The following RSRC1 variants were observed in gnomAD, a reference collection of about 807,000 sequenced individuals.
The protein encoded by RSRC1 is serine/Arginine-related protein 53.
In RSRC1, 39 loss-of-function variants were observed where a neutral mutation model predicts 49.1. The observed-to-expected ratio is 0.79, with a 90% CI of 0.61 to 1.04. The LOEUF is 1.04. Ranked by LOEUF, RSRC1 falls within the 50% of genes least tolerant of loss-of-function variation. The pLI, the probability that RSRC1 is intolerant of heterozygous loss-of-function variation, is 0.00. For missense variants in RSRC1, 388 were observed against 402.4 expected (o/e 0.96, Z 0.31); for synonymous variants, 143 against 130.8 (o/e 1.09, Z -0.63).
intron 5 of RSRC1, among the ~76,000 whole-genome samples, chr3:158,310,261 C>G (rs1163725660): frequency 6.6e-6 from 1 of 151,444 alleles, no homozygotes; most frequent in Non-Finnish European, 1.5e-5. Context: ...ATCTTTCTCC[C>G]CTTGTAATCG....
intron 4 of RSRC1, among the ~76,000 whole-genome samples, chr3:158,237,838 C>T (rs968920144): frequency 6.6e-6 from 1 of 152,136 alleles, no homozygotes; most frequent in Non-Finnish European, 1.5e-5. Flanking sequence ...ACTTCCAACA[C>T]TATGTTGAAT....
At chr3:158,328,376 G>A (rs1036499758) in intron 5 of RSRC1, among the ~76,000 whole-genome samples, 64 of 152,284 alleles carry the variant, frequency 4.2e-4, no homozygotes, top group African/African-American at 1.5e-3. Flanking sequence ...GGTACCGGTA[G>A]TTTCTTTCCA....
In RSRC1 at chr3:158,207,352, C is replaced by T. The variant is rs190534415; in HGVS notation, c.494+4107C>T. Among the ~76,000 whole-genome samples the T allele has an allele frequency of 7.2e-4, 110 of 152,246 alleles. No homozygotes were observed. In the South Asian group the frequency reaches 0.012, roughly 17 times the overall value. ...TCTCTTCGTTCTTACTTTCCCACCT[C>T]AGCATTTCATCTATTTAGAATTATA... On this transcript the variant is annotated intron_variant, in intron 4 of 9. Transcript: ENST00000611884.
intron 6 of RSRC1, among the ~76,000 whole-genome samples, chr3:158,413,464 G>A (rs1363431045): frequency 6.6e-6 from 1 of 152,066 alleles, no homozygotes; most frequent in African/African-American, 2.4e-5. Flanking sequence ...AAAAGCAATT[G>A]CAACAAAAGC....
intron 4 of RSRC1, among the ~76,000 whole-genome samples, chr3:158,228,481 T>G (rs1722648213): frequency 6.6e-6 from 1 of 151,960 alleles, no homozygotes; most frequent in African/African-American, 2.4e-5. Flanking sequence ...TAACTTTAGA[T>G]TCTTATATTC....
rs530845809 is a variant in RSRC1 at position 158,525,997 on chromosome 3, C to T, written c.653-11095C>T. Among the ~76,000 whole-genome samples, 3 of 151,944 alleles carry T rather than the reference C, an allele frequency of 2.0e-5. No individual in the cohort carries two copies. The East Asian group carries it at 5.8e-4, about 30-fold the overall frequency. On this transcript the variant is annotated intron_variant, in intron 7 of 9. Transcript: ENST00000611884. ...AGAATTAACATGTACCAAAACTCAC[C>T]AAATTGTATGCTTTGATAGGCACAG...
intron 6 of RSRC1, among the ~76,000 whole-genome samples, chr3:158,361,399 G>A (rs1041428143): frequency 5.3e-5 from 8 of 152,140 alleles, no homozygotes; most frequent in African/African-American, 1.9e-4. Flanking sequence ...GAGGCTCTGG[G>A]CCTTGGGGCG....
intron 4 of RSRC1, among the ~76,000 whole-genome samples, chr3:158,260,369 C>G (rs1224930122): frequency 6.6e-6 from 1 of 152,146 alleles, no homozygotes; most frequent in Non-Finnish European, 1.5e-5. Flanking sequence ...GAGCTATGGC[C>G]TGGAATGGGG....
At position 158,302,001 on chromosome 3, in the gene RSRC1, T is replaced by TTG. The variant is rs1553782284; in HGVS notation, c.531+3927_531+3928insGT. ...TTTTGGGGTTTTTTTGTTTTTTTTT[T>TTG]TTGTTGTTGTTAAACTGTGTGTGTG... On this transcript the variant is annotated intron_variant, in intron 5 of 9. Coordinates refer to ENST00000611884, the MANE Select transcript of RSRC1 (RefSeq NM_001271838.2). Among the ~76,000 whole-genome samples, 208 of 151,170 alleles carry TTG rather than the reference T, an allele frequency of 1.4e-3. 3 individuals carry two copies. The East Asian group carries it at 0.021, about 15-fold the overall frequency.
chr3:158,261,465 C>T (rs1243387025), intron 4 of RSRC1, among the ~76,000 whole-genome samples: 1 of 152,114 alleles, frequency 6.6e-6, no homozygotes, highest in Non-Finnish European at 1.5e-5. Context: ...GGTTATTTTT[C>T]CCTTATGACT....
intron 3 of RSRC1, 63 bp downstream of exon 3, chr3:158,124,054 C>T: frequency 8.4e-7 from 1 of 1,183,844 alleles, no homozygotes; most frequent in Non-Finnish European, 1.2e-6. Flanking sequence ...CGATGTAAAG[C>T]AACAATCATT....
intron 5 of RSRC1, among the ~76,000 whole-genome samples, chr3:158,332,638 T>G (rs115288125): frequency 0.018 from 2,675 of 152,260 alleles, 64 homozygotes; most frequent in African/African-American, 0.061. Flanking sequence ...CTTTTAAAGA[T>G]TTTTTCCTTT....
intron 3 of RSRC1, among the ~76,000 whole-genome samples, chr3:158,145,313 G>A (rs933299028): frequency 2.6e-5 from 4 of 152,136 alleles, no homozygotes; most frequent in South Asian, 2.1e-4. Context: ...TTTGTATAAG[G>A]TGTAAGGAAG....
At chr3:158,408,635 G>A (rs1734271770) in intron 6 of RSRC1, among the ~76,000 whole-genome samples, 1 of 152,224 alleles carries the variant, frequency 6.6e-6, no homozygotes, top group Middle Eastern at 3.4e-3. Context: ...GATGACCTAG[G>A]AAAAAATATG....
chr3:158,316,171 CAAA>C (rs113383530), intron 5 of RSRC1, among the ~76,000 whole-genome samples: 1 of 106,186 alleles, frequency 9.4e-6, no homozygotes, highest in African/African-American at 3.5e-5. Context: ...GACTCGGTCT[CAAA>C]AAAAAAAAAA....
intron 5 of RSRC1, among the ~76,000 whole-genome samples, chr3:158,327,111 T>G (rs1032499788): frequency 8.5e-5 from 13 of 152,240 alleles, no homozygotes; most frequent in African/African-American, 2.9e-4. Context: ...TTATTGCCTC[T>G]ATTTGATTCT....
rs193014301 is a variant in RSRC1, at chr3:158,268,184, T to C, written c.495-29855T>C. ...TCATTTTCAGCTGCTCTGCCAGCTTTACAATGTGTCCTCAGATACTTCAAG... is the reference window on the plus strand; with the variant it reads ...TCATTTTCAGCTGCTCTGCCAGCTTCACAATGTGTCCTCAGATACTTCAAG... On this transcript the variant is annotated intron_variant, in intron 4 of 9. Coordinates refer to ENST00000611884, the MANE Select transcript of RSRC1 (RefSeq NM_001271838.2). Among the ~76,000 whole-genome samples, 12 of 152,342 alleles carry C rather than the reference T, an allele frequency of 7.9e-5. No homozygotes were observed. The East Asian group carries it at 1.9e-3, about 24-fold the overall frequency.
At chr3:158,540,071 A>G (rs752812372) in intron 8 of RSRC1, among the ~76,000 whole-genome samples, 4 of 152,214 alleles carry the variant, frequency 2.6e-5, no homozygotes, top group African/African-American at 4.8e-5. Flanking sequence ...AAGGCAGTAT[A>G]GACTACCAAA....
rs560815272 is a variant in RSRC1, at chr3:158,408,073, T to C, written c.584-52862T>C. Among the ~76,000 whole-genome samples the C allele has an allele frequency of 1.1e-3, 167 of 152,170 alleles. 1 individual carries two copies. Among genetic ancestry groups the C allele is most frequent in the Non-Finnish European group, 2.1e-3 (140 of 67,992 alleles). ...AAATGAGGAGATTGTGTAAGAGAGG[T>C]TGGGGTTGGTCAGGGAATGATATAC... On this transcript the variant is annotated intron_variant, in intron 6 of 9. Coordinates refer to ENST00000611884, the MANE Select transcript of RSRC1 (RefSeq NM_001271838.2).
Sources: allele counts gnomAD v4.1 joint callset (sites outside exome capture counted in the v4.1 genomes callset), GRCh38; gene constraint gnomAD v4.1.1; transcripts MANE v1.5; gene names NCBI Gene and HGNC (gene_info 2026-07-23, HGNC 2026-07-21).